The following RBM19 variants were observed in gnomAD, a reference collection of about 807,000 sequenced individuals.
RBM19 encodes RNA binding motif protein 19.
In RBM19, 94 loss-of-function variants were observed where a neutral mutation model predicts 116.8. The ratio of observed to expected loss-of-function variants is 0.80; its 90% CI spans 0.68 to 0.95. The LOEUF is 0.95. RBM19 is among the 40% of genes least tolerant of loss of function. The pLI, the probability that RBM19 is intolerant of heterozygous loss-of-function variation, is 0.00. For missense variants in RBM19, 1,161 were observed against 1,220.7 expected, an observed-to-expected ratio of 0.95 and a Z score of 0.73; for synonymous variants, 475 against 494.1, an observed-to-expected ratio of 0.96 and a Z score of 0.51.
At chr12:113,835,599 C>T (rs556097672) in intron 23 of RBM19, among the ~76,000 whole-genome samples, 10 of 152,198 alleles carry the variant, frequency 6.6e-5, no homozygotes, top group African/African-American at 2.2e-4. Flanking sequence ...CCCTGCTCCT[C>T]GCGAGGCTGG....
At chr12:113,919,926 G>A (rs908168426) in intron 19 of RBM19, among the ~76,000 whole-genome samples, 4 of 152,016 alleles carry the variant, frequency 2.6e-5, no homozygotes, top group Non-Finnish European at 5.9e-5. Flanking sequence ...CCCCCTAATG[G>A]TCTCCCACTG....
intron 4 of RBM19, 118 bp from the exon 5 acceptor site, chr12:113,959,522 G>T: frequency 1.7e-6 from 2 of 1,196,954 alleles, no homozygotes; most frequent in Non-Finnish European, 2.3e-6. Context: ...GATCCCTCAA[G>T]CTAATTTCCC....
intron 16 of RBM19, among the ~76,000 whole-genome samples, chr12:113,931,978 T>C (rs555592937): frequency 2.0e-4 from 31 of 152,252 alleles, no homozygotes; most frequent in African/African-American, 7.2e-4. Context: ...TCTGACTCAG[T>C]TGGCACTGAA....
intron 22 of RBM19, among the ~76,000 whole-genome samples, chr12:113,858,280 T>C (rs899292487): frequency 2.0e-5 from 3 of 152,252 alleles, no homozygotes; most frequent in African/African-American, 4.8e-5. Context: ...CACGCTTGCA[T>C]GCAGCTGCAC....
At chr12:113,955,393 G>A (rs1275448836) in intron 6 of RBM19, among the ~76,000 whole-genome samples, 182 bp from the exon 7 acceptor site, 1 of 151,676 alleles carries the variant, frequency 6.6e-6, no homozygotes, top group African/African-American at 2.4e-5. Flanking sequence ...GCTAGGTGAT[G>A]CCAAGTCTCC....
intron 15 of RBM19, among the ~76,000 whole-genome samples, chr12:113,938,280 T>C (rs925461692): frequency 2.0e-5 from 3 of 152,114 alleles, no homozygotes; most frequent in Non-Finnish European, 2.9e-5. Context: ...ATTTTTCTTA[T>C]GGGTCAGGCG....
chr12:113,947,778 G>A (rs1871158231), intron 10 of RBM19, among the ~76,000 whole-genome samples: 1 of 152,228 alleles, frequency 6.6e-6, no homozygotes, highest in Non-Finnish European at 1.5e-5. Flanking sequence ...AACAGTGCCT[G>A]CTAGAGTTAG....
At chr12:113,884,903 C>G (rs980383470) in intron 21 of RBM19, among the ~76,000 whole-genome samples, 19 of 110,754 alleles carry the variant, frequency 1.7e-4, no homozygotes, top group African/African-American at 6.5e-4. Flanking sequence ...AAAATAACCA[C>G]TGACCCCACA....
At chr12:113,844,290 C>T (rs1215363858) in intron 23 of RBM19, among the ~76,000 whole-genome samples, 6 of 152,164 alleles carry the variant, frequency 3.9e-5, no homozygotes, top group East Asian at 1.9e-4. Flanking sequence ...CTGCGGACAC[C>T]GGAATCTGAA....
At chr12:113,924,865 C>T in intron 17 of RBM19, 108 bp from the exon 18 acceptor site, 2 of 907,792 alleles carry the variant, frequency 2.2e-6, no homozygotes, top group South Asian at 1.3e-5. Flanking sequence ...ACCTTGGGGT[C>T]CCAAAAACAT....
chr12:113,960,213 A>T, intron 2 of RBM19, 35 bp from the exon 3 acceptor site: 1 of 1,612,140 alleles, frequency 6.2e-7, no homozygotes, highest in East Asian at 2.2e-5. Flanking sequence ...CACACCTGCC[A>T]TGGCACCCAG....
chr12:113,893,088 G>A (rs2135811097), intron 21 of RBM19, among the ~76,000 whole-genome samples: 1 of 150,714 alleles, frequency 6.6e-6, no homozygotes, highest in South Asian at 2.1e-4. Flanking sequence ...CTGGAGTGCA[G>A]TGGTGCAATC....
At chr12:113,937,212 A>G in intron 15 of RBM19, 76 bp from the exon 16 acceptor site, 1 of 1,548,248 alleles carries the variant, frequency 6.5e-7, no homozygotes, top group Admixed American at 1.8e-5. Flanking sequence ...TCCCATGCAG[A>G]TCACAGCCCA....
At chr12:113,840,605 C>A (rs371576721) in intron 23 of RBM19, among the ~76,000 whole-genome samples, 13 of 152,364 alleles carry the variant, frequency 8.5e-5, no homozygotes, top group African/African-American at 3.1e-4. Flanking sequence ...CTGTGGCCGA[C>A]AGGTGGGATG....
chr12:113,922,968 T>C (rs1868724205), intron 18 of RBM19, among the ~76,000 whole-genome samples: 1 of 152,164 alleles, frequency 6.6e-6, no homozygotes, highest in Non-Finnish European at 1.5e-5. Flanking sequence ...ACCCCATCTC[T>C]ACCAAGAATA....
intron 21 of RBM19, among the ~76,000 whole-genome samples, chr12:113,869,584 G>A (rs1879070643): frequency 6.6e-6 from 1 of 152,180 alleles, no homozygotes; most frequent in Non-Finnish European, 1.5e-5. Context: ...AAATAAAGTG[G>A]ATAATTCAGG....
chr12:113,918,128 A>G (rs964270728), intron 20 of RBM19, among the ~76,000 whole-genome samples: 1 of 138,674 alleles, frequency 7.2e-6, no homozygotes. Context: ...TCCTTTTCTT[A>G]TTAAAAAAAA....
rs1360055683 is a variant in RBM19 at position 113,935,296 on chromosome 12, C to T, written c.2068+1711G>A. Reference sequence around the variant, plus strand: ...GATCTCTGCGTTTCAAAGGAGAACTCGCTTTGGGCCAAAAAAAAAAAACAT... The same window carrying T: ...GATCTCTGCGTTTCAAAGGAGAACTTGCTTTGGGCCAAAAAAAAAAAACAT... On this transcript the variant is annotated intron_variant, in intron 16 of 23. Transcript: ENST00000261741. Among the ~76,000 whole-genome samples the T allele has an allele frequency of 4.6e-5, 7 of 151,104 alleles. No individual in the cohort carries two copies. In the South Asian group the frequency reaches 8.4e-4, roughly 18 times the overall value.
intron 21 of RBM19, among the ~76,000 whole-genome samples, chr12:113,905,652 A>G (rs568261008): frequency 2.2e-4 from 33 of 152,348 alleles, no homozygotes; most frequent in Non-Finnish European, 4.0e-4. Context: ...TACCACCAAG[A>G]AGGTGAAAGC....
Sources: gnomAD v4.1 joint callset for allele counts (sites outside exome capture counted in the v4.1 genomes callset) on GRCh38, gnomAD v4.1.1 for gene constraint, MANE v1.5 for transcripts, NCBI Gene and HGNC (gene_info 2026-07-23, HGNC 2026-07-21) for gene names.